Variants in ADAM12 observed in about 807,000 individuals in gnomAD.
ADAM12 encodes ADAM metallopeptidase domain 12.
In ADAM12, 70 loss-of-function variants were observed where a neutral mutation model predicts 106.4. The ratio of observed to expected loss-of-function variants is 0.66; its 90% CI spans 0.54 to 0.80. The LOEUF is 0.80. ADAM12 is among the 30% of genes least tolerant of loss of function. The pLI, the probability that ADAM12 is intolerant of heterozygous loss-of-function variation, is 0.00. For synonymous variants in ADAM12, 420 were observed against 433.5 expected (o/e 0.97, Z 0.39); for missense variants, 1,010 against 1,171.9 (o/e 0.86, Z 2.02).
intron 3 of ADAM12, among the ~76,000 whole-genome samples, chr10:126,262,384 A>T (rs776714090): frequency 5.9e-4 from 90 of 152,312 alleles, no homozygotes; most frequent in Non-Finnish European, 9.4e-4. Context: ...GTCTTTGGCA[A>T]CAAAGAGTGG....
intron 3 of ADAM12, among the ~76,000 whole-genome samples, chr10:126,233,302 C>T (rs777744289): frequency 1.3e-5 from 2 of 152,004 alleles, no homozygotes; most frequent in Non-Finnish European, 1.5e-5. Context: ...AGAAGAGCCT[C>T]GTCACAGAAC....
At chr10:126,227,913 C>T (rs1043799081) in intron 3 of ADAM12, among the ~76,000 whole-genome samples, 1 of 152,068 alleles carries the variant, frequency 6.6e-6, no homozygotes, top group East Asian at 1.9e-4. Flanking sequence ...GAGCTGGCAG[C>T]ACCCCCCAGA....
chr10:126,132,044 C>T (rs999196418), intron 5 of ADAM12, among the ~76,000 whole-genome samples: 3 of 150,882 alleles, frequency 2.0e-5, no homozygotes, highest in African/African-American at 4.9e-5. Context: ...GGTACAATCT[C>T]GGCTCACTGC....
intron 3 of ADAM12, among the ~76,000 whole-genome samples, chr10:126,188,025 C>T (rs1025120913): frequency 6.6e-6 from 1 of 152,136 alleles, no homozygotes; most frequent in African/African-American, 2.4e-5. Context: ...AGTGCAGGTT[C>T]CCAGGAGAGG....
At chr10:126,082,353 T>A (rs912694832) in intron 11 of ADAM12, among the ~76,000 whole-genome samples, 1 of 141,960 alleles carries the variant, frequency 7.0e-6, no homozygotes, top group African/African-American at 2.6e-5. Context: ...GAGAAGACAA[T>A]CTAATGACTG....
intron 1 of ADAM12, among the ~76,000 whole-genome samples, chr10:126,354,984 C>T (rs1855488644): frequency 6.6e-6 from 1 of 151,920 alleles, no homozygotes; most frequent in African/African-American, 2.4e-5. Flanking sequence ...CACAAGAGTT[C>T]TTATGTCAAT....
In ADAM12 at chr10:126,049,358, C is replaced by G. The variant is rs1426882233; in HGVS notation, c.1812G>C (p.Leu604=). The G allele has an allele frequency of 1.2e-6, 2 of 1,614,176 alleles. No individual in the cohort carries two copies. Residue 604 remains leucine, a synonymous_variant, in exon 16 of 23, where the codon CTG becomes CTC. Coordinates refer to ENST00000448723, the MANE Select transcript of ADAM12 (RefSeq NM_001288973.2). This position sits in a 1 kb window ranked among gnomAD's most constrained non-coding sequence, Gnocchi z 4.4. ...NAVSIETNIP[L]QQGGRILCRG... ...GGCACAGAATCCGGCCTCCTTGCTG[C>G]AGGGGGATGTTTGTTTCTATGGAAA... is the stretch of plus-strand genomic sequence containing the variant.
intron 3 of ADAM12, among the ~76,000 whole-genome samples, chr10:126,163,731 A>T (rs1046460314): frequency 6.6e-6 from 1 of 152,194 alleles, no homozygotes; most frequent in Non-Finnish European, 1.5e-5. Context: ...ATTCTGTAAC[A>T]AGACTTTCCC....
At chr10:126,093,801 A>G (rs1955507807) in intron 11 of ADAM12, among the ~76,000 whole-genome samples, 184 bp downstream of exon 11, 1 of 152,236 alleles carries the variant, frequency 6.6e-6, no homozygotes, top group Admixed American at 6.5e-5. Flanking sequence ...TAGCATTGCC[A>G]TCTGGCTGCC....
chr10:126,276,437 T>C (rs1959249256), intron 3 of ADAM12, among the ~76,000 whole-genome samples: 1 of 152,224 alleles, frequency 6.6e-6, no homozygotes, highest in Non-Finnish European at 1.5e-5. Flanking sequence ...ATGCTAGTAG[T>C]GCACAAGCAT....
chr10:126,155,359 A>C, intron 3 of ADAM12, 54 bp from the exon 4 acceptor site: 3 of 1,479,804 alleles, frequency 2.0e-6, no homozygotes, highest in Non-Finnish European at 2.8e-6. Context: ...GCATTGATAC[A>C]TTGTTGTGAA....
chr10:126,167,483 G>T (rs1252703523), intron 3 of ADAM12, among the ~76,000 whole-genome samples: 1 of 152,190 alleles, frequency 6.6e-6, no homozygotes, highest in Admixed American at 6.5e-5. Flanking sequence ...TTATTGCCAT[G>T]GGTCAAAACT....
At chr10:126,300,470 T>C (rs1035111830) in intron 2 of ADAM12, among the ~76,000 whole-genome samples, 2 of 152,202 alleles carry the variant, frequency 1.3e-5, no homozygotes, top group African/African-American at 2.4e-5. Flanking sequence ...GCAATAATTC[T>C]GCATATATCT....
chr10:126,216,352 A>G lies in ADAM12; in HGVS notation c.261-61047T>C, dbSNP rs149416528. ...AACAGCAAAGCCCACTTCGAACTTCAAAGAATTCCCATAAAGATTAAAAAG... is the reference window on the plus strand; with the variant it reads ...AACAGCAAAGCCCACTTCGAACTTCGAAGAATTCCCATAAAGATTAAAAAG... On this transcript the variant is annotated intron_variant, in intron 3 of 22. Coordinates refer to ENST00000448723, the MANE Select transcript of ADAM12 (RefSeq NM_001288973.2). Among the ~76,000 whole-genome samples the G allele has an allele frequency of 1.0e-3, 158 of 152,330 alleles. 3 individuals are homozygous for G. The East Asian group carries it at 0.028, about 27-fold the overall frequency.
chr10:126,318,568 A>C (rs1853975142), intron 2 of ADAM12, among the ~76,000 whole-genome samples: 1 of 151,868 alleles, frequency 6.6e-6, no homozygotes. Flanking sequence ...TCACACTCAC[A>C]CACTCACATA....
intron 11 of ADAM12, among the ~76,000 whole-genome samples, chr10:126,080,922 C>T (rs576545635): frequency 1.1e-3 from 168 of 152,268 alleles, no homozygotes; most frequent in Non-Finnish European, 1.7e-3. Flanking sequence ...GCCTATTGTG[C>T]GTCTCACTGC....
chr10:126,178,294 C>T (rs529850862), intron 3 of ADAM12, among the ~76,000 whole-genome samples: 12 of 151,702 alleles, frequency 7.9e-5, no homozygotes. Context: ...CTTCAAGTCA[C>T]ATTTTTTATA....
chr10:126,097,223 T>C (rs1241508775), intron 10 of ADAM12, among the ~76,000 whole-genome samples: 1 of 152,214 alleles, frequency 6.6e-6, no homozygotes, highest in Non-Finnish European at 1.5e-5. Flanking sequence ...AAAATAGAGT[T>C]GGGATCTGAC....
rs1312694262 is a variant in ADAM12 at position 126,064,816 on chromosome 10, G to C, written c.1599C>G (p.Leu533=). ...GTGGCGGCCACGTACCTGGTCCCCAGAGCGTGACACACTGCTGCTCGTGAG... is the reference window on the plus strand; with the variant it reads ...GTGGCGGCCACGTACCTGGTCCCCACAGCGTGACACACTGCTGCTCGTGAG... ...CQTHEQQCVT[L]WGPGAKPAPG... The change falls in exon 14 of 23, where the codon CTC becomes CTG. Residue 533 remains leucine, a synonymous_variant. Coordinates refer to ENST00000448723, the MANE Select transcript of ADAM12 (RefSeq NM_001288973.2). This position sits in a 1 kb window ranked among gnomAD's most constrained non-coding sequence, Gnocchi z 4.4. The C allele has an allele frequency of 1.2e-6, 2 of 1,606,196 alleles. No individual in the cohort carries two copies. The highest frequency in any genetic ancestry group is 8.5e-7 in the Non-Finnish European group (1 of 1,176,692).
Sources: gnomAD v4.1 joint callset for allele counts (sites outside exome capture counted in the v4.1 genomes callset) on GRCh38, gnomAD v4.1.1 for gene constraint, Gnocchi (gnomAD v3.1) non-coding constraint, MANE v1.5 for transcripts, NCBI Gene and HGNC (gene_info 2026-07-23, HGNC 2026-07-21) for gene names.